Variants in PALM2AKAP2 observed in about 807,000 individuals in gnomAD.
The protein encoded by PALM2AKAP2 is PALM2 and AKAP2 fusion.
A neutral mutation model predicts 71.5 loss-of-function variants in PALM2AKAP2; 37 were observed. The observed-to-expected ratio is 0.52, with a 90% CI of 0.40 to 0.68. PALM2AKAP2 has a LOEUF of 0.68. PALM2AKAP2 is among the 30% of genes least tolerant of loss of function. The probability of loss-of-function intolerance (pLI) is 0.00; values close to 1 mark genes in which losing one functional copy is unlikely to be tolerated. For synonymous variants in PALM2AKAP2, 468 were observed against 478.8 expected (o/e 0.98, Z 0.29); for missense variants, 1,224 against 1,191.8 (o/e 1.03, Z -0.40).
At chr9:109,876,727 G>A (rs148922522) in intron 2 of PALM2AKAP2, among the ~76,000 whole-genome samples, 118 of 152,306 alleles carry the variant, frequency 7.7e-4, no homozygotes, top group African/African-American at 2.8e-3. Context: ...TGATCCACCT[G>A]CCTTGGCCTC....
chr9:110,122,166 A>G (rs1835501977), intron 1 of PALM2AKAP2, among the ~76,000 whole-genome samples: 1 of 152,042 alleles, frequency 6.6e-6, no homozygotes, highest in Non-Finnish European at 1.5e-5. Flanking sequence ...AAGTAGCTGT[A>G]CTATAGGTGC....
chr9:109,850,227 C>T (rs1312734005), intron 1 of PALM2AKAP2, among the ~76,000 whole-genome samples: 4 of 152,160 alleles, frequency 2.6e-5, no homozygotes, highest in African/African-American at 9.7e-5. Flanking sequence ...TCAGCTCTCA[C>T]CAGGTGTCAT....
At chr9:109,767,623 C>T (rs1403473750) in intron 1 of PALM2AKAP2, among the ~76,000 whole-genome samples, 2 of 152,360 alleles carry the variant, frequency 1.3e-5, no homozygotes, top group South Asian at 4.1e-4. Flanking sequence ...CTGGCCTCCT[C>T]TCCCTGAACC....
At chr9:109,865,879 T>C (rs1374285058) in intron 1 of PALM2AKAP2, among the ~76,000 whole-genome samples, 1 of 152,226 alleles carries the variant, frequency 6.6e-6, no homozygotes, top group African/African-American at 2.4e-5. Context: ...ATGTGCCATC[T>C]CTGAGATGGT....
intron 1 of PALM2AKAP2, among the ~76,000 whole-genome samples, chr9:109,653,454 G>T (rs571523116): frequency 7.9e-5 from 12 of 152,258 alleles, no homozygotes; most frequent in South Asian, 4.1e-4. Flanking sequence ...AAATAAGTTG[G>T]TCCAGAAACA....
At chr9:109,827,164 A>T (rs921044030) in intron 1 of PALM2AKAP2, among the ~76,000 whole-genome samples, 7 of 152,194 alleles carry the variant, frequency 4.6e-5, no homozygotes, top group Non-Finnish European at 1.0e-4. Flanking sequence ...ATAATGTGGC[A>T]TGCATGTAGG....
intron 1 of PALM2AKAP2, among the ~76,000 whole-genome samples, chr9:109,696,073 A>T (rs1303233854): frequency 6.6e-6 from 1 of 152,214 alleles, no homozygotes; most frequent in East Asian, 1.9e-4. Context: ...ACTCCCAGTT[A>T]TCCTGATTTG....
At chr9:110,097,726 A>G (rs1834888166) in intron 1 of PALM2AKAP2, among the ~76,000 whole-genome samples, 2 of 141,076 alleles carry the variant, frequency 1.4e-5, no homozygotes, top group African/African-American at 2.9e-5. Flanking sequence ...ATGGGCGGCC[A>G]GGCAGAGACG....
At chr9:110,011,772 C>T (rs1049665480) in intron 6 of PALM2AKAP2, among the ~76,000 whole-genome samples, 3 of 152,122 alleles carry the variant, frequency 2.0e-5, no homozygotes, top group Non-Finnish European at 4.4e-5. Context: ...AGCATTGTGT[C>T]CTCCTTCGAC....
intron 1 of PALM2AKAP2, among the ~76,000 whole-genome samples, chr9:110,068,559 T>C (rs1834136725): frequency 6.7e-6 from 1 of 149,634 alleles, no homozygotes; most frequent in Non-Finnish European, 1.5e-5. Flanking sequence ...AGACAGGGTC[T>C]CCTTCTGTTG....
chr9:109,724,865 G>A (rs1375503657), intron 1 of PALM2AKAP2, among the ~76,000 whole-genome samples: 3 of 151,922 alleles, frequency 2.0e-5, no homozygotes, highest in Admixed American at 6.6e-5. Context: ...AAACATAAGA[G>A]ACAAATTTGA....
At chr9:110,100,928 G>C (rs904845995) in intron 1 of PALM2AKAP2, among the ~76,000 whole-genome samples, 5 of 152,138 alleles carry the variant, frequency 3.3e-5, no homozygotes. Context: ...GGTGGCTTCC[G>C]GGGAGGTGAG....
At chr9:110,015,069 G>A (rs1039113448) in intron 6 of PALM2AKAP2, among the ~76,000 whole-genome samples, 16 of 151,812 alleles carry the variant, frequency 1.1e-4, no homozygotes, top group Admixed American at 9.2e-4. Flanking sequence ...GGAGACAATC[G>A]GGTAGCTTTA....
chr9:110,088,639 A>C (rs1834626212), intron 1 of PALM2AKAP2, among the ~76,000 whole-genome samples: 1 of 151,252 alleles, frequency 6.6e-6, no homozygotes, highest in Admixed American at 6.6e-5. Context: ...CTCAAAATAA[A>C]GAGCTATATA....
intron 3 of PALM2AKAP2, among the ~76,000 whole-genome samples, chr9:109,913,755 CTTTTTTTTT>C (rs35024326): frequency 9.7e-6 from 1 of 102,964 alleles, no homozygotes; most frequent in Admixed American, 1.0e-4. Flanking sequence ...ATGCTTATTT[CTTTTTTTTT>C]TTTTTTTTTT....
At chr9:109,986,436 G>C (rs554341049) in intron 6 of PALM2AKAP2, among the ~76,000 whole-genome samples, 1 of 152,332 alleles carries the variant, frequency 6.6e-6, no homozygotes, top group East Asian at 1.9e-4. Context: ...CCTATGAAAA[G>C]ATTCATGCAG....
At chr9:109,851,101 C>T (rs926052714) in intron 1 of PALM2AKAP2, among the ~76,000 whole-genome samples, 3 of 151,764 alleles carry the variant, frequency 2.0e-5, no homozygotes, top group South Asian at 2.1e-4. Context: ...GGCATGAACC[C>T]GGGAGGCAGA....
chr9:109,736,619 T>C (rs1165039739), intron 1 of PALM2AKAP2, among the ~76,000 whole-genome samples: 1 of 152,180 alleles, frequency 6.6e-6, no homozygotes, highest in African/African-American at 2.4e-5. Context: ...AGTTTTTATG[T>C]ATTTAGGGGG....
rs1831121145 is a variant in PALM2AKAP2 at position 109,932,239 on chromosome 9, T to G, written c.496+211T>G. On this transcript the variant is annotated intron_variant, in intron 6 of 9. Transcript: ENST00000302798. ...CAAATGGGAAGGAGTTCTGAGGAAA[T>G]CATACGGCATTTCACCTCCGACTTC... 2.0e-5 allele frequency among the ~76,000 whole-genome samples: 3 copies of G among 152,336 alleles called. No homozygotes were observed. The South Asian group carries it at 6.2e-4, about 32-fold the overall frequency.
Sources: allele counts gnomAD v4.1 joint callset (sites outside exome capture counted in the v4.1 genomes callset), GRCh38; gene constraint gnomAD v4.1.1; transcripts MANE v1.5; gene names NCBI Gene and HGNC (gene_info 2026-07-23, HGNC 2026-07-21).